Variants in NUSAP1 observed in about 807,000 individuals in gnomAD.
NUSAP1 encodes nucleolar and spindle associated protein 1.
Under a neutral mutation model 52.8 loss-of-function variants are expected in NUSAP1, and 32 were observed. The observed-to-expected ratio is 0.61, with a 90% CI of 0.46 to 0.81. NUSAP1 has a LOEUF of 0.81. Ranked by LOEUF, NUSAP1 falls within the 40% of genes least tolerant of loss-of-function variation. The probability of loss-of-function intolerance (pLI) is 0.00; values close to 1 mark genes in which losing one functional copy is unlikely to be tolerated. For synonymous variants in NUSAP1, 195 were observed against 183.1 expected, an observed-to-expected ratio of 1.06 and a Z score of -0.52; for missense variants, 499 against 522.3, an observed-to-expected ratio of 0.96 and a Z score of 0.43.
rs1348256627 is a variant in NUSAP1 at position 41,380,073 on chromosome 15, GTGTGACCTATCC to G, written c.1233-19_1233-8del. 6.5e-7 allele frequency: 1 copy of G among 1,550,210 alleles called. No individual in the cohort carries two copies. Reference sequence around the variant, plus strand: ...TTTTGGAGCCTCCCTAGAGCTTAATGTGTGACCTATCCCTCTCAGGGAAGAGCAACGGAAGAA... The same window carrying G: ...TTTTGGAGCCTCCCTAGAGCTTAATGCTCTCAGGGAAGAGCAACGGAAGAA... On this transcript the variant is annotated splice_region_variant and splice_polypyrimidine_tract_variant and intron_variant, in intron 10 of 10. Transcript: ENST00000559596.
chr15:41,356,273 C>A (rs1473609996), intron 5 of NUSAP1, 133 bp downstream of exon 5: 2 of 656,430 alleles, frequency 3.0e-6, no homozygotes, highest in Non-Finnish European at 5.4e-6. Flanking sequence ...GGTTTGATAT[C>A]TTGGGGAACT....
At chr15:41,353,898 C>T (rs2048866683) in intron 4 of NUSAP1, among the ~76,000 whole-genome samples, 1 of 152,160 alleles carries the variant, frequency 6.6e-6, no homozygotes, top group South Asian at 2.1e-4. Flanking sequence ...ATTATTTCCA[C>T]TGTACTACAG....
chr15:41,374,088 C>T (rs1163288938), intron 8 of NUSAP1, among the ~76,000 whole-genome samples: 1 of 152,164 alleles, frequency 6.6e-6, no homozygotes, highest in Non-Finnish European at 1.5e-5. Context: ...AAATTAATCT[C>T]AATGGTTAGC....
intron 1 of NUSAP1, 134 bp downstream of exon 1, chr15:41,333,184 G>C: frequency 1.5e-6 from 1 of 663,986 alleles, no homozygotes; most frequent in East Asian, 2.7e-5. Flanking sequence ...AGTAGATGTG[G>C]TTCACGGTAG....
intron 4 of NUSAP1, 144 bp from the exon 5 acceptor site, chr15:41,355,895 G>A (rs1192252824): frequency 1.8e-6 from 1 of 560,728 alleles, no homozygotes; most frequent in Non-Finnish European, 3.2e-6. Flanking sequence ...AGCCAGGATG[G>A]TCTTGATCTT....
intron 6 of NUSAP1, among the ~76,000 whole-genome samples, chr15:41,364,306 G>A (rs2049300439): frequency 6.6e-6 from 1 of 152,142 alleles, no homozygotes; most frequent in South Asian, 2.1e-4. Flanking sequence ...CCAGCAGTTT[G>A]GGAGGCTGAG....
intron 4 of NUSAP1, among the ~76,000 whole-genome samples, chr15:41,353,990 A>C (rs2048869431): frequency 6.6e-6 from 1 of 152,244 alleles, no homozygotes; most frequent in Admixed American, 6.5e-5. Flanking sequence ...GGTCAAAAAA[A>C]TAAAGAAACG....
chr15:41,377,807 C>T (rs190803003), intron 10 of NUSAP1, among the ~76,000 whole-genome samples: 2 of 150,878 alleles, frequency 1.3e-5, no homozygotes, highest in African/African-American at 2.4e-5. Context: ...CGAGACCATC[C>T]TGGCTAACGC....
intron 7 of NUSAP1, among the ~76,000 whole-genome samples, chr15:41,366,407 C>T (rs1455158903): frequency 6.6e-6 from 1 of 151,730 alleles, no homozygotes; most frequent in Non-Finnish European, 1.5e-5. Flanking sequence ...TCTCAGCCTC[C>T]CGAGTGGCTG....
chr15:41,367,634 A>C (rs1428006407), intron 7 of NUSAP1, among the ~76,000 whole-genome samples: 1 of 151,986 alleles, frequency 6.6e-6, no homozygotes, highest in Non-Finnish European at 1.5e-5. Flanking sequence ...ATTCCTGGCA[A>C]CTCTCCAAAC....
intron 10 of NUSAP1, among the ~76,000 whole-genome samples, chr15:41,378,899 CA>C (rs538916330): frequency 1.2e-3 from 104 of 87,378 alleles, no homozygotes; most frequent in Non-Finnish European, 1.6e-3. Flanking sequence ...TTAGACAAAC[CA>C]AAAAAAAAAA....
rs776207140 is a variant in NUSAP1 at position 41,371,678 on chromosome 15, G to A, written c.1000G>A (p.Ala334Thr). ...HKLKTITGNS[A>T]AVITPFKLTT... ...ATTAAAGACCATCACGGGGAATTCT[G>A]CTGCTGGTAAAAAAAAAAAAAAACA... is the stretch of plus-strand genomic sequence containing the variant. Residue 334 changes from alanine (A) to threonine (T), a missense_variant, in exon 8 of 11, where the codon GCT becomes ACT. By Grantham distance (58) the Ala-to-Thr change is moderately conservative. Coordinates refer to ENST00000559596, the MANE Select transcript of NUSAP1 (RefSeq NM_016359.5). 3.2e-6 allele frequency: 5 copies of A among 1,573,752 alleles called. No individual in the cohort carries two copies. Among genetic ancestry groups the A allele is most frequent in the Non-Finnish European group, 4.3e-6 (5 of 1,169,228 alleles).
rs1320975838 is a variant in NUSAP1 at position 41,365,583 on chromosome 15, G to A, written c.842G>A (p.Gly281Asp). Residue 281 changes from glycine (G) to aspartate (D), a missense_variant, in exon 7 of 11, where the codon GGT (glycine) becomes GAT (aspartate). Transcript: ENST00000559596. ...KRSAISAAKT[G>D]VRFSAATKDN... ...TCTGCTATCTCTGCAGCTAAAACGGGTGTCAGGTAAAGAAATCACTCCAAA... is the reference window on the plus strand; with the variant it reads ...TCTGCTATCTCTGCAGCTAAAACGGATGTCAGGTAAAGAAATCACTCCAAA... The A allele has an allele frequency of 5.0e-6, 8 of 1,590,114 alleles. No homozygotes were observed. The highest frequency in any genetic ancestry group is 6.9e-6 in the Non-Finnish European group (8 of 1,164,046).
intron 2 of NUSAP1, 33 bp from the exon 3 acceptor site, chr15:41,349,065 T>C (rs528089613): frequency 1.1e-4 from 184 of 1,600,850 alleles, no homozygotes; most frequent in Non-Finnish European, 1.5e-4. Context: ...ACTGTAGACA[T>C]AGCACATAGC....
At chr15:41,355,128 G>C (rs1567054300) in intron 4 of NUSAP1, among the ~76,000 whole-genome samples, 1 of 151,916 alleles carries the variant, frequency 6.6e-6, no homozygotes, top group Admixed American at 6.6e-5. Flanking sequence ...GGGATTACAG[G>C]CATGAGCCAC....
chr15:41,365,247 C>T (rs1428884832), intron 6 of NUSAP1, among the ~76,000 whole-genome samples, 155 bp from the exon 7 acceptor site: 1 of 151,310 alleles, frequency 6.6e-6, no homozygotes, highest in Non-Finnish European at 1.5e-5. Context: ...ACCTCCGCCT[C>T]CTGGGTTCAA....
At chr15:41,351,692 T>G (rs925804900) in intron 4 of NUSAP1, among the ~76,000 whole-genome samples, 1 of 151,970 alleles carries the variant, frequency 6.6e-6, no homozygotes, top group African/African-American at 2.4e-5. Context: ...GAGGCTGAGG[T>G]GAAAGGGTTG....
At chr15:41,346,225 G>A (rs1401140430) in intron 2 of NUSAP1, among the ~76,000 whole-genome samples, 4 of 151,956 alleles carry the variant, frequency 2.6e-5, no homozygotes, top group African/African-American at 9.7e-5. Flanking sequence ...ATAGGCGTGA[G>A]CCACCACACC....
At position 41,342,414 on chromosome 15, in the gene NUSAP1, G is replaced by T. The variant is rs753514310; in HGVS notation, c.122G>T (p.Gly41Val). The change falls in exon 2 of 11, where the codon GGC becomes GTC. Residue 41 changes from glycine to valine, a missense_variant. Physicochemically the swap from Gly to Val is moderately radical, Grantham distance 109 (BLOSUM62 -3). Coordinates refer to ENST00000559596, the MANE Select transcript of NUSAP1 (RefSeq NM_016359.5). ...RATKLLKALK[G>V]YIKHEARKGN... is the part of the protein sequence containing the mutation. ...ACCAAGTTGTTAAAAGCCTTGAAAG[G>T]CTACATTAAACATGAGGCAAGAAAA... 1 of 1,595,676 alleles carries T rather than the reference G, an allele frequency of 6.3e-7. No homozygotes were observed. The highest frequency in any genetic ancestry group is 8.5e-7 in the Non-Finnish European group (1 of 1,170,646).
Sources: allele counts gnomAD v4.1 joint callset (sites outside exome capture counted in the v4.1 genomes callset), GRCh38; gene constraint gnomAD v4.1.1; transcripts MANE v1.5; gene names NCBI Gene and HGNC (gene_info 2026-07-23, HGNC 2026-07-21).